CAMK2D: variants seen among roughly 807,000 people sequenced by gnomAD.
The protein encoded by CAMK2D is calcium/calmodulin dependent protein kinase II delta.
CAMK2D carries 37 observed loss-of-function variants against 84.0 expected under a neutral mutation model. That is an observed-to-expected ratio of 0.44 (90% CI 0.34 to 0.58). The LOEUF (loss-of-function observed/expected upper bound fraction) is 0.58, where lower values mean the gene tolerates loss of function less well. Among genes scored for constraint, CAMK2D ranks in the 20% least tolerant of loss-of-function variants. The pLI is 0.02. For synonymous variants in CAMK2D, 202 were observed against 212.5 expected (o/e 0.95, Z 0.43); for missense variants, 448 against 652.5 (o/e 0.69, Z 3.41).
chr4:113,557,337 T>A (rs1300242813), intron 4 of CAMK2D, among the ~76,000 whole-genome samples: 1 of 152,214 alleles, frequency 6.6e-6, no homozygotes, highest in Admixed American at 6.5e-5. Context: ...ATGACCTTCA[T>A]GTCTCCGCTT....
chr4:113,751,374 T>C (rs1408753652), intron 2 of CAMK2D, among the ~76,000 whole-genome samples: 1 of 152,232 alleles, frequency 6.6e-6, no homozygotes, highest in Non-Finnish European at 1.5e-5. Flanking sequence ...AATTTCTTTA[T>C]AAAACAGAAA....
Position 113,759,392 on chromosome 4 carries a change from T to C in CAMK2D, c.88A>G (p.Arg30Gly). The C allele has an allele frequency of 6.2e-7, 1 of 1,606,420 alleles. No homozygotes were observed. Among genetic ancestry groups the C allele is most frequent in the Non-Finnish European group, 8.5e-7 (1 of 1,175,556 alleles). The change falls in exon 2 of 21, where the codon AGA becomes GGA. Residue 30 changes from arginine (R) to glycine (G), a missense_variant. Physicochemically the swap from Arg to Gly is moderately radical, Grantham distance 125. Transcript: ENST00000511664. ...TGTCCAGTAGGAATTTTCATACATC[T>C]TCTCACCACTGAGAATGCCCCCCTG... ...LGKGAFSVVR[R>G]CMKIPTGQEY...
chr4:113,698,407 G>C (rs2099409193), intron 2 of CAMK2D, among the ~76,000 whole-genome samples: 1 of 151,920 alleles, frequency 6.6e-6, no homozygotes, highest in Admixed American at 6.6e-5. Context: ...GTAAAATGGG[G>C]ATCTCAATAG....
chr4:113,611,557 A>C (rs556064290), intron 3 of CAMK2D, among the ~76,000 whole-genome samples: 7 of 152,316 alleles, frequency 4.6e-5, no homozygotes, highest in African/African-American at 1.4e-4. Flanking sequence ...TCCAGATCGA[A>C]GAGGTATACA....
chr4:113,681,249 TA>T (rs1428293201), intron 2 of CAMK2D, among the ~76,000 whole-genome samples: 1 of 152,152 alleles, frequency 6.6e-6, no homozygotes, highest in Admixed American at 6.5e-5. Context: ...GTAGTTCCCA[TA>T]ATTCCCACAT....
chr4:113,513,409 A>T (rs1193059629), intron 11 of CAMK2D, 39 bp from the exon 12 acceptor site: 1 of 1,322,464 alleles, frequency 7.6e-7, no homozygotes, highest in African/African-American at 1.4e-5. Context: ...AGTGTTGCCT[A>T]TGCAAATTCT....
At chr4:113,614,579 A>T (rs999375248) in intron 3 of CAMK2D, among the ~76,000 whole-genome samples, 1 of 152,188 alleles carries the variant, frequency 6.6e-6, no homozygotes, top group African/African-American at 2.4e-5. Flanking sequence ...AGGATAAGAG[A>T]TAATTCTGAC....
chr4:113,488,935 A>G (rs2097792135), intron 16 of CAMK2D, among the ~76,000 whole-genome samples: 1 of 152,152 alleles, frequency 6.6e-6, no homozygotes, highest in African/African-American at 2.4e-5. Flanking sequence ...TATCACTGAA[A>G]ACTTAGGATA....
At chr4:113,473,216 T>G (rs912384124) in intron 16 of CAMK2D, among the ~76,000 whole-genome samples, 1 of 152,190 alleles carries the variant, frequency 6.6e-6, no homozygotes, top group Admixed American at 6.5e-5. Flanking sequence ...TGCCCCGTGG[T>G]TTTATTGTCT....
In CAMK2D at chr4:113,507,207, C is replaced by T. The variant is rs144200761; in HGVS notation, c.985-2172G>A. ...TCTAAGCAAAAGGCAAGAAGACGTT[C>T]TTTTCAAAGAGTCAAATATAAGTAT... On this transcript the variant is annotated intron_variant, in intron 13 of 20. Transcript: ENST00000511664. Among the ~76,000 whole-genome samples, 69 of 151,108 alleles carry T rather than the reference C, an allele frequency of 4.6e-4. 1 individual carries two copies. In the East Asian group the frequency reaches 0.011, roughly 25 times the overall value.
At chr4:113,481,239 T>C (rs918240054) in intron 16 of CAMK2D, among the ~76,000 whole-genome samples, 2 of 152,178 alleles carry the variant, frequency 1.3e-5, no homozygotes, top group East Asian at 1.9e-4. Context: ...TGGTATCCAC[T>C]ATGCTTCCTT....
At chr4:113,465,236 T>C (rs2097443547) in intron 17 of CAMK2D, among the ~76,000 whole-genome samples, 3 of 152,246 alleles carry the variant, frequency 2.0e-5, no homozygotes, top group African/African-American at 7.2e-5. Context: ...TCTTGTTTTG[T>C]CACCCAGGTT....
At chr4:113,758,361 T>C (rs980980039) in intron 2 of CAMK2D, among the ~76,000 whole-genome samples, 2 of 152,126 alleles carry the variant, frequency 1.3e-5, no homozygotes, top group African/African-American at 4.8e-5. Context: ...GAAAAACTAA[T>C]CATGGCAGAG....
intron 19 of CAMK2D, chr4:113,457,104 C>T: frequency 1.9e-6 from 2 of 1,048,230 alleles, no homozygotes; most frequent in Non-Finnish European, 2.6e-6. Context: ...AGTCTCTCGT[C>T]CTGTCTAAAC....
At chr4:113,486,044 G>T (rs547557443) in intron 16 of CAMK2D, among the ~76,000 whole-genome samples, 1 of 152,186 alleles carries the variant, frequency 6.6e-6, no homozygotes, top group African/African-American at 2.4e-5. Context: ...AAGAGTGAAT[G>T]AACTCTCTCA....
intron 16 of CAMK2D, among the ~76,000 whole-genome samples, chr4:113,471,101 G>A (rs916873): frequency 0.047 from 7,142 of 152,114 alleles, 549 homozygotes; most frequent in African/African-American, 0.16. Flanking sequence ...ACTGATCATC[G>A]AACTCCTTTG....
chr4:113,523,193 T>C (rs1340503427), intron 8 of CAMK2D, among the ~76,000 whole-genome samples: 2 of 152,326 alleles, frequency 1.3e-5, no homozygotes, highest in East Asian at 1.9e-4. Flanking sequence ...ACGCAGTCTA[T>C]GTGACTTTGT....
intron 2 of CAMK2D, among the ~76,000 whole-genome samples, chr4:113,677,176 G>A (rs778284685): frequency 6.6e-6 from 1 of 152,136 alleles, no homozygotes; most frequent in Non-Finnish European, 1.5e-5. Flanking sequence ...CTTCAAGGAA[G>A]CCATTCCTAA....
chr4:113,509,826 A>C lies in CAMK2D; in HGVS notation c.947-151T>G, dbSNP rs570550108. The C allele has an allele frequency of 1.6e-4, 101 of 628,634 alleles. No individual in the cohort carries two copies. The African/African-American group carries it at 1.7e-3, about 11-fold the overall frequency. 38.9% of individuals were successfully genotyped at this position (628,634 alleles called of 1,614,324 possible). A position where few individuals can be genotyped will look rare whatever the true frequency, so the allele number is the denominator to read the frequency against. On this transcript the variant is annotated intron_variant, in intron 12 of 20. Coordinates refer to ENST00000511664, the MANE Select transcript of CAMK2D (RefSeq NM_001321571.2). ...TATCAAAGTCACACTGATGAACGCG[A>C]GCTTACAGGACATTGAAATACAGTA...
Sources: gnomAD v4.1 joint callset for allele counts (sites outside exome capture counted in the v4.1 genomes callset) on GRCh38, gnomAD v4.1.1 for gene constraint, MANE v1.5 for transcripts, NCBI Gene and HGNC (gene_info 2026-07-23, HGNC 2026-07-21) for gene names.